ZDHHC8: variants seen among roughly 807,000 people sequenced by gnomAD.
ZDHHC8 encodes the protein zDHHC palmitoyltransferase 8.
A neutral mutation model predicts 61.2 loss-of-function variants in ZDHHC8; 24 were observed. The ratio of observed to expected loss-of-function variants is 0.39; its 90% CI spans 0.28 to 0.55. The LOEUF is 0.55. Ranked by LOEUF, ZDHHC8 falls within the 20% of genes least tolerant of loss-of-function variation. The pLI is 0.60. For synonymous variants in ZDHHC8, 523 were observed against 492.5 expected (o/e 1.06, Z -0.82); for missense variants, 935 against 1,102.1 (o/e 0.85, Z 2.15).
In ZDHHC8 at chr22:20,132,409, G is replaced by A. The variant is rs189299783; in HGVS notation, c.104+358G>A. Among the ~76,000 whole-genome samples, 21 of 152,340 alleles carry A rather than the reference G, an allele frequency of 1.4e-4. No homozygotes were observed. The East Asian group carries it at 3.5e-3, about 25-fold the overall frequency. ...CTCCCCATGGGACCCCCGAGGGGAC[G>A]TGGGCCACCCACAACCATGAGTCTT... On this transcript the variant is annotated intron_variant, in intron 1 of 10. Coordinates refer to ENST00000334554, the MANE Select transcript of ZDHHC8 (RefSeq NM_013373.4).
At chr22:20,144,010 T>C (rs2050500210) in intron 10 of ZDHHC8, among the ~76,000 whole-genome samples, 1 of 152,170 alleles carries the variant, frequency 6.6e-6, no homozygotes, top group Non-Finnish European at 1.5e-5. Context: ...CGACTCGTTC[T>C]TCTAGAGCTG....
chr22:20,141,032 G>T lies in ZDHHC8; in HGVS notation c.894+20G>T. 6.2e-7 allele frequency: 1 copy of T among 1,609,698 alleles called. No individual in the cohort carries two copies. Among genetic ancestry groups the T allele is most frequent in the Non-Finnish European group, 8.5e-7 (1 of 1,179,742 alleles). On this transcript the variant is annotated intron_variant, in intron 7 of 10. Coordinates refer to ENST00000334554, the MANE Select transcript of ZDHHC8 (RefSeq NM_013373.4). Reference sequence around the variant, plus strand: ...AGCAAGGTGGGCGCCTGGGCTTAGGGATGGGCTGGCAGTCAGGCCCTTGGA... The same window carrying T: ...AGCAAGGTGGGCGCCTGGGCTTAGGTATGGGCTGGCAGTCAGGCCCTTGGA...
At position 20,142,773 on chromosome 22, in the gene ZDHHC8, C is replaced by T; in HGVS notation, c.1143C>T (p.Ser381=). 6.2e-7 allele frequency: 1 copy of T among 1,612,616 alleles called. No individual in the cohort carries two copies. Among genetic ancestry groups the T allele is most frequent in the South Asian group, 1.1e-5 (1 of 91,078 alleles). The part of the protein sequence containing the change: ...GPGEQVPGPD[S]LTLGDDSIRS... ...CCCTACAGGTTCCAGGCCCTGATTC[C>T]CTGACCCTGGGGGACGACAGCATCC... is the stretch of plus-strand genomic sequence containing the variant. Residue 381 remains serine, a synonymous_variant, in exon 10 of 11, where the codon TCC becomes TCT. Coordinates refer to ENST00000334554, the MANE Select transcript of ZDHHC8 (RefSeq NM_013373.4).
At chr22:20,140,730 G>A in intron 6 of ZDHHC8, 22 bp downstream of exon 6, 1 of 1,604,480 alleles carries the variant, frequency 6.2e-7, no homozygotes, top group South Asian at 1.1e-5. Context: ...CCTGGGCAGG[G>A]TGGAGGGGGG....
At chr22:20,132,886 G>C (rs1010615240) in intron 1 of ZDHHC8, among the ~76,000 whole-genome samples, 4 of 152,224 alleles carry the variant, frequency 2.6e-5, no homozygotes, top group Non-Finnish European at 5.9e-5. Flanking sequence ...GGGGCTCCAG[G>C]CTTCGGTTGC....
chr22:20,143,197 C>G lies in ZDHHC8; in HGVS notation c.1567C>G (p.Arg523Gly). 6.2e-7 allele frequency: 1 copy of G among 1,609,378 alleles called. No individual in the cohort carries two copies. Among genetic ancestry groups the G allele is most frequent in the Non-Finnish European group, 8.5e-7 (1 of 1,179,502 alleles). The change falls in exon 10 of 11, where the codon CGC becomes GGC. Residue 523 changes from arginine (R) to glycine (G), a missense_variant. Physicochemically the swap from Arg to Gly is moderately radical, Grantham distance 125. Coordinates refer to ENST00000334554, the MANE Select transcript of ZDHHC8 (RefSeq NM_013373.4). The stretch of plus-strand genomic sequence containing the variant: ...GGGCGACCCGCCACGGCCCCTACCC[C>G]GCAGCTTCAGCCCCGTGCTGGGCCC... ...ATGDPPRPLP[R>G]SFSPVLGPRP...
At chr22:20,136,329 A>G (rs1364564999) in intron 1 of ZDHHC8, among the ~76,000 whole-genome samples, 1 of 152,176 alleles carries the variant, frequency 6.6e-6, no homozygotes, top group African/African-American at 2.4e-5. Context: ...TGCCTGTGGG[A>G]ATGCGTGTCT....
intron 5 of ZDHHC8, 178 bp from the exon 6 acceptor site, chr22:20,140,439 A>G: frequency 1.2e-6 from 1 of 803,546 alleles, no homozygotes; most frequent in Non-Finnish European, 1.9e-6. Context: ...GAAATCCCAC[A>G]GCTCCCTGCA....
chr22:20,132,416 A>C (rs1005992698), intron 1 of ZDHHC8, among the ~76,000 whole-genome samples: 1 of 152,108 alleles, frequency 6.6e-6, no homozygotes, highest in African/African-American at 2.4e-5. Flanking sequence ...GACGTGGGCC[A>C]CCCACAACCA....
Position 20,141,200 on chromosome 22 carries a change from A to G in ZDHHC8, c.895-17A>G. On this transcript the variant is annotated splice_polypyrimidine_tract_variant and intron_variant, in intron 7 of 10. Transcript: ENST00000334554. Reference sequence around the variant, plus strand: ...CTCATCCAAGCCCCACACACCACTGACCCCGCTCCCTCCCAGTCCAAGGGC... The same window carrying G: ...CTCATCCAAGCCCCACACACCACTGGCCCCGCTCCCTCCCAGTCCAAGGGC... 1 of 1,606,012 alleles carries G rather than the reference A, an allele frequency of 6.2e-7. No homozygotes were observed.
In ZDHHC8 at chr22:20,139,902, G is replaced by A; in HGVS notation, c.557+10G>A. 1 of 1,610,408 alleles carries A rather than the reference G, an allele frequency of 6.2e-7. No homozygotes were observed. Among genetic ancestry groups the A allele is most frequent in the Non-Finnish European group, 8.5e-7 (1 of 1,179,022 alleles). On this transcript the variant is annotated intron_variant, in intron 4 of 10. Transcript: ENST00000334554. Reference sequence around the variant, plus strand: ...CGCACACCACCATCACGTATCCTTGGTTCCTGTGGGCCTCATTGCAGAGGC... The same window carrying A: ...CGCACACCACCATCACGTATCCTTGATTCCTGTGGGCCTCATTGCAGAGGC...
intron 9 of ZDHHC8, among the ~76,000 whole-genome samples, chr22:20,142,228 T>C (rs1568994487): frequency 6.6e-6 from 1 of 152,316 alleles, no homozygotes; most frequent in East Asian, 1.9e-4. Flanking sequence ...GGTCTGAGTC[T>C]GCAGGCATGT....
intron 1 of ZDHHC8, among the ~76,000 whole-genome samples, chr22:20,137,931 C>T (rs922420697): frequency 2.6e-5 from 4 of 152,256 alleles, no homozygotes; most frequent in African/African-American, 4.8e-5. Context: ...TCTACCTCCA[C>T]GGGCTGGGCC....
Position 20,139,504 on chromosome 22 carries a change from G to A in ZDHHC8, c.253G>A (p.Asp85Asn), listed in dbSNP as rs1264023628. 19 of 1,613,660 alleles carry A rather than the reference G, an allele frequency of 1.2e-5. No individual in the cohort carries two copies. The highest frequency in any genetic ancestry group is 2.2e-5 in the East Asian group (1 of 44,888). Residue 85 changes from aspartate to asparagine, a missense_variant, in exon 3 of 11, where the codon GAC becomes AAC. By Grantham distance (23) the Asp-to-Asn change is conservative. Transcript: ENST00000334554. Reference sequence around the variant, plus strand: ...GGATGAGGATGAGGACAAGGAGGACGACTTCCGGGCTCCGCTGTACAAGAA... The same window carrying A: ...GGATGAGGATGAGGACAAGGAGGACAACTTCCGGGCTCCGCTGTACAAGAA... ...RADEDEDKED[D>N]FRAPLYKNVD...
At chr22:20,136,786 G>C (rs747222995) in intron 1 of ZDHHC8, among the ~76,000 whole-genome samples, 39 of 152,236 alleles carry the variant, frequency 2.6e-4, no homozygotes, top group Non-Finnish European at 4.0e-4. Context: ...ACCAGAACAG[G>C]TTGTCTGTGT....
At position 20,146,007 on chromosome 22, in the gene ZDHHC8, G is replaced by A. The variant is rs563067753; in HGVS notation, c.*607G>A. The stretch of plus-strand genomic sequence containing the variant: ...GACGGCCAGCCAGCCAGCTGTGGCC[G>A]GGGGCCCGGCTCCATGTGTCCCGTG... On this transcript the variant is annotated 3_prime_UTR_variant, in exon 11 of 11. Transcript: ENST00000334554. 7.4e-5 allele frequency: 73 copies of A among 985,920 alleles called. 1 individual carries two copies. The Middle Eastern group carries it at 1.6e-3, about 21-fold the overall frequency. The allele number at this position is 985,920 out of a possible 1,614,324, so 61.1% of individuals were successfully genotyped here.
chr22:20,138,849 C>T (rs1342332517), intron 1 of ZDHHC8, among the ~76,000 whole-genome samples: 1 of 152,140 alleles, frequency 6.6e-6, no homozygotes, highest in African/African-American at 2.4e-5. Context: ...GCTCCCACCT[C>T]CAGCCTGTGT....
rs564278258 is a variant in ZDHHC8 at position 20,143,007 on chromosome 22, G to A, written c.1377G>A (p.Thr459=). 6.7e-5 allele frequency: 107 copies of A among 1,607,660 alleles called. No homozygotes were observed. In the East Asian group the frequency reaches 1.9e-3, roughly 28 times the overall value. Residue 459 remains threonine, a synonymous_variant, in exon 10 of 11, where the codon ACG becomes ACA. Transcript: ENST00000334554. The stretch of plus-strand genomic sequence containing the variant: ...TGCGCTCTGAGGGGGGGCCCCCCAC[G>A]CCCCACCGTAGCATTTTTGCCCCCC... ...QPLRSEGGPP[T]PHRSIFAPHA...
chr22:20,141,880 C>A (rs1368249729), intron 9 of ZDHHC8, among the ~76,000 whole-genome samples: 2 of 152,238 alleles, frequency 1.3e-5, no homozygotes, highest in Non-Finnish European at 2.9e-5. Flanking sequence ...ACCAGGATGC[C>A]TGGAATTCCA....
Sources: allele counts gnomAD v4.1 joint callset (sites outside exome capture counted in the v4.1 genomes callset), GRCh38; gene constraint gnomAD v4.1.1; transcripts MANE v1.5; gene names NCBI Gene and HGNC (gene_info 2026-07-23, HGNC 2026-07-21).